FNIP1: variants seen among roughly 807,000 people sequenced by gnomAD.
FNIP1 encodes folliculin-interacting protein 1.
In FNIP1, 40 loss-of-function variants were observed where a neutral mutation model predicts 124.5. The observed-to-expected ratio is 0.32, with a 90% confidence interval of 0.25 to 0.42. The LOEUF is 0.42. FNIP1 is among the 10% of genes least tolerant of loss of function. The pLI, the probability that FNIP1 is intolerant of heterozygous loss-of-function variation, is 1.00. For synonymous variants in FNIP1, 472 were observed against 470.6 expected (o/e 1.00, Z -0.04); for missense variants, 1,176 against 1,403.7 (o/e 0.84, Z 2.59).
At chr5:131,746,194 GA>G (rs1470120141) in intron 1 of FNIP1, among the ~76,000 whole-genome samples, 2 of 152,178 alleles carry the variant, frequency 1.3e-5, no homozygotes, top group South Asian at 4.1e-4. Context: ...CAATACAAAT[GA>G]CAGGACAGCT....
At chr5:131,741,386 C>T (rs567989840) in intron 2 of FNIP1, among the ~76,000 whole-genome samples, 2 of 152,260 alleles carry the variant, frequency 1.3e-5, no homozygotes, top group African/African-American at 4.8e-5. Flanking sequence ...ATGCAAAGTA[C>T]TTTGGTTTCT....
intron 8 of FNIP1, among the ~76,000 whole-genome samples, chr5:131,708,209 A>AT (rs1225762111): frequency 1.3e-5 from 2 of 152,150 alleles, no homozygotes; most frequent in Non-Finnish European, 2.9e-5. Flanking sequence ...AGGCACTTGA[A>AT]TTTTTTATAA....
At chr5:131,727,181 G>C (rs910574275) in intron 3 of FNIP1, among the ~76,000 whole-genome samples, 1 of 152,156 alleles carries the variant, frequency 6.6e-6, no homozygotes, top group Non-Finnish European at 1.5e-5. Flanking sequence ...GTCCAGAGCT[G>C]AGTTCAAGTC....
chr5:131,704,385 T>C (rs1264119630), intron 9 of FNIP1, 119 bp from the exon 10 acceptor site: 3 of 753,568 alleles, frequency 4.0e-6, no homozygotes, highest in Non-Finnish European at 6.3e-6. Context: ...AACAAACCTA[T>C]AATTTCATAC....
intron 11 of FNIP1, among the ~76,000 whole-genome samples, chr5:131,688,538 A>C (rs1768362251): frequency 6.6e-6 from 1 of 151,854 alleles, no homozygotes; most frequent in South Asian, 2.1e-4. Context: ...CAAAGATTTT[A>C]GAATTATCAG....
Position 131,647,219 on chromosome 5 carries a change from G to A in FNIP1, c.3307-14C>T, listed in dbSNP as rs374784019. On this transcript the variant is annotated splice_polypyrimidine_tract_variant and intron_variant, in intron 16 of 17. Coordinates refer to ENST00000510461, the MANE Select transcript of FNIP1 (RefSeq NM_133372.3). ...ATGCATTACACACTGCAGTTAGGGAGGAACCAAGAACCAGGTCAGAAAACA... is the reference window on the plus strand; with the variant it reads ...ATGCATTACACACTGCAGTTAGGGAAGAACCAAGAACCAGGTCAGAAAACA... 9 of 1,600,658 alleles carry A rather than the reference G, an allele frequency of 5.6e-6. No individual in the cohort carries two copies. The highest frequency in any genetic ancestry group is 6.0e-6 in the Non-Finnish European group (7 of 1,167,964).
Position 131,695,189 on chromosome 5 carries a change from G to C in FNIP1, c.1202+3728C>G, listed in dbSNP as rs186497629. ...TGGGAAAACTGTAGGTTGGGGAAGA[G>C]GGCTATATGAAAAAACTGCTATTTG... On this transcript the variant is annotated intron_variant, in intron 11 of 17. Coordinates refer to ENST00000510461, the MANE Select transcript of FNIP1 (RefSeq NM_133372.3). Among the ~76,000 whole-genome samples, 199 of 152,122 alleles carry C rather than the reference G, an allele frequency of 1.3e-3. 1 individual carries two copies. The highest frequency in any genetic ancestry group is 4.6e-3 in the African/African-American group (191 of 41,538).
chr5:131,652,101 A>C (rs936945007), intron 15 of FNIP1, 102 bp from the exon 16 acceptor site: 1 of 1,063,032 alleles, frequency 9.4e-7, no homozygotes, highest in Admixed American at 2.7e-5. Context: ...CAGAAAAAAA[A>C]ATTAAACTTC....
chr5:131,689,708 T>C (rs984324352), intron 11 of FNIP1, among the ~76,000 whole-genome samples: 1 of 152,178 alleles, frequency 6.6e-6, no homozygotes, highest in Non-Finnish European at 1.5e-5. Flanking sequence ...TGGAAGCGTT[T>C]AACTGCTTAA....
intron 1 of FNIP1, among the ~76,000 whole-genome samples, chr5:131,747,959 C>T (rs1207178367): frequency 1.3e-5 from 2 of 151,878 alleles, no homozygotes; most frequent in African/African-American, 4.8e-5. Flanking sequence ...ATAACTCTCA[C>T]ACTAGGATGG....
chr5:131,675,485 C>A (rs1369023312), intron 13 of FNIP1, among the ~76,000 whole-genome samples: 3 of 152,094 alleles, frequency 2.0e-5, no homozygotes, highest in African/African-American at 7.2e-5. Flanking sequence ...TTAAAAAATA[C>A]TACTAATAAT....
intron 9 of FNIP1, among the ~76,000 whole-genome samples, chr5:131,705,536 T>C (rs1238584956): frequency 6.6e-6 from 1 of 151,980 alleles, no homozygotes; most frequent in Non-Finnish European, 1.5e-5. Flanking sequence ...AAATCCACAA[T>C]GAGGAACCAC....
At chr5:131,734,309 T>C (rs1287449708) in intron 2 of FNIP1, among the ~76,000 whole-genome samples, 3 of 152,192 alleles carry the variant, frequency 2.0e-5, no homozygotes, top group Admixed American at 6.5e-5. Flanking sequence ...GAAGGGTTTT[T>C]TGTGTCTCTA....
At chr5:131,736,839 A>C (rs534086996) in intron 2 of FNIP1, among the ~76,000 whole-genome samples, 2 of 152,338 alleles carry the variant, frequency 1.3e-5, no homozygotes, top group African/African-American at 4.8e-5. Context: ...ACGTAGAAGA[A>C]TGTTCATATT....
At chr5:131,690,525 G>A (rs152815) in intron 11 of FNIP1, among the ~76,000 whole-genome samples, 37,384 of 151,882 alleles carry the variant, frequency 0.25, 6,068 homozygotes, top group Non-Finnish European at 0.37. Context: ...TTTCCCCTTC[G>A]CTCGGCACTT....
Position 131,672,767 on chromosome 5 carries a change from A to C in FNIP1, c.1677T>G (p.Asp559Glu). 1 of 1,613,514 alleles carries C rather than the reference A, an allele frequency of 6.2e-7. No homozygotes were observed. The highest frequency in any genetic ancestry group is 8.5e-7 in the Non-Finnish European group (1 of 1,179,880). Residue 559 changes from aspartate (D) to glutamate (E), a missense_variant, in exon 14 of 18, where the codon GAT becomes GAG. Asp to Glu is a conservative substitution (Grantham distance 45). Transcript: ENST00000510461. ...CTGTGCCTGGCATAACGATGGCTTCATCTTCTCCATTTTCTAAAAGATGCG... is the reference window on the plus strand; with the variant it reads ...CTGTGCCTGGCATAACGATGGCTTCCTCTTCTCCATTTTCTAAAAGATGCG... The part of the protein sequence containing the change: ...QETHLLENGE[D>E]EAIVMPGTVI...
At chr5:131,771,605 T>C (rs1302595291) in intron 1 of FNIP1, among the ~76,000 whole-genome samples, 1 of 152,160 alleles carries the variant, frequency 6.6e-6, no homozygotes, top group Non-Finnish European at 1.5e-5. Context: ...CAAAAATCTG[T>C]AAGTCCTCTC....
intron 1 of FNIP1, among the ~76,000 whole-genome samples, chr5:131,752,801 C>T (rs1770921875): frequency 6.6e-6 from 1 of 152,192 alleles, no homozygotes; most frequent in Non-Finnish European, 1.5e-5. Flanking sequence ...GGCGCGGTGG[C>T]TCACGCCTGT....
intron 16 of FNIP1, among the ~76,000 whole-genome samples, chr5:131,648,549 T>G (rs1181904560): frequency 6.6e-6 from 1 of 152,100 alleles, no homozygotes; most frequent in Non-Finnish European, 1.5e-5. Context: ...ATGGTTGTGG[T>G]TTTATAGTGT....
Sources: gnomAD v4.1 joint callset for allele counts (sites outside exome capture counted in the v4.1 genomes callset) on GRCh38, gnomAD v4.1.1 for gene constraint, MANE v1.5 for transcripts, NCBI Gene and HGNC (gene_info 2026-07-23, HGNC 2026-07-21) for gene names.